Variants in SLC38A10 observed in about 807,000 individuals in gnomAD.
SLC38A10 encodes solute carrier family 38 member 10.
A neutral mutation model predicts 81.0 loss-of-function variants in SLC38A10; 53 were observed. That is an observed-to-expected ratio of 0.65 (90% CI 0.53 to 0.82). SLC38A10 has a LOEUF of 0.82. Ranked by LOEUF, SLC38A10 falls within the 40% of genes least tolerant of loss-of-function variation. The pLI, the probability that SLC38A10 is intolerant of heterozygous loss-of-function variation, is 0.00. For synonymous variants in SLC38A10, 665 were observed against 655.3 expected, an observed-to-expected ratio of 1.01 and a Z score of -0.23; for missense variants, 1,471 against 1,545.0, an observed-to-expected ratio of 0.95 and a Z score of 0.80.
At position 81,253,120 on chromosome 17, in the gene SLC38A10, T is replaced by C. The variant is rs1465115682; in HGVS notation, c.1409A>G (p.Asp470Gly). 1 of 1,613,880 alleles carries C rather than the reference T, an allele frequency of 6.2e-7. No homozygotes were observed. The highest frequency in any genetic ancestry group is 1.7e-5 in the Admixed American group (1 of 60,022). The change falls in exon 12 of 16, where the codon GAT becomes GGT. Residue 470 changes from aspartate to glycine, a missense_variant. By Grantham distance (94) the Asp-to-Gly change is moderately conservative. Transcript: ENST00000374759. This position sits in a 1 kb window ranked among gnomAD's most constrained non-coding sequence, Gnocchi z 4.1. ...TGCCTCCTCCGGTGCCTCCTTGCCATCTTCCCGTCCAGGCACATCCACGGG... is the reference window on the plus strand; with the variant it reads ...TGCCTCCTCCGGTGCCTCCTTGCCACCTTCCCGTCCAGGCACATCCACGGG... ...KGPVDVPGRE[D>G]GKEAPEEAQL... is the part of the protein sequence containing the mutation.
At chr17:81,268,335 A>G (rs1161345227) in intron 10 of SLC38A10, among the ~76,000 whole-genome samples, 1 of 138,348 alleles carries the variant, frequency 7.2e-6, no homozygotes, top group Admixed American at 7.0e-5. Flanking sequence ...CTAGAAAACA[A>G]GACCCCAGGA....
At chr17:81,294,157 A>T (rs966515178) in intron 1 of SLC38A10, among the ~76,000 whole-genome samples, 6 of 152,068 alleles carry the variant, frequency 3.9e-5, no homozygotes, top group Non-Finnish European at 7.4e-5. Context: ...CAGCCTCCCA[A>T]GTATCTGGGA....
Position 81,295,101 on chromosome 17 carries a change from C to T in SLC38A10, c.-180G>A. ...GCGCGGGCGCGGGCCCCAGAGGCTG[C>T]CTGGAGGAGGCAGCCTCGAAGGCCG... is the stretch of plus-strand genomic sequence containing the variant. On this transcript the variant is annotated 5_prime_UTR_variant, in exon 1 of 16. Coordinates refer to ENST00000374759, the MANE Select transcript of SLC38A10 (RefSeq NM_001037984.3). The T allele has an allele frequency of 8.6e-7, 1 of 1,165,274 alleles. No homozygotes were observed. The highest frequency in any genetic ancestry group is 1.1e-6 in the Non-Finnish European group (1 of 925,658). The allele number at this position is 1,165,274 out of a possible 1,614,324, so 72.2% of individuals were successfully genotyped here.
Position 81,277,764 on chromosome 17 carries a change from G to A in SLC38A10, c.627-631C>T, listed in dbSNP as rs1392507085. 6.6e-6 allele frequency among the ~76,000 whole-genome samples: 1 copy of A among 152,156 alleles called. No individual in the cohort carries two copies. The highest frequency in any genetic ancestry group is 2.4e-5 in the African/African-American group (1 of 41,416). ...CCCTGCACAGGCAGCAGACGCATCCGAGGGACCTGCACAGGGACCTGGGCC... is the reference window on the plus strand; with the variant it reads ...CCCTGCACAGGCAGCAGACGCATCCAAGGGACCTGCACAGGGACCTGGGCC... On this transcript the variant is annotated intron_variant, in intron 6 of 15. Transcript: ENST00000374759. The surrounding 1 kb of genome is among the most constrained non-coding windows in gnomAD (Gnocchi z 4.5).
rs759228908 is a variant in SLC38A10 at position 81,272,470 on chromosome 17, G to A, written c.1024+46C>T. 40 of 1,331,138 alleles carry A rather than the reference G, an allele frequency of 3.0e-5. No homozygotes were observed. The South Asian group carries it at 5.4e-4, about 18-fold the overall frequency. The allele number at this position is 1,331,138 out of a possible 1,614,324, so 82.5% of individuals were successfully genotyped here. On this transcript the variant is annotated intron_variant, in intron 9 of 15. Coordinates refer to ENST00000374759, the MANE Select transcript of SLC38A10 (RefSeq NM_001037984.3). Reference sequence around the variant, plus strand: ...TGTGCAGGTCTTGGTTGATGCCGAAGCCCCGGGTCCCACTCCCCGGCAACA... The same window carrying A: ...TGTGCAGGTCTTGGTTGATGCCGAAACCCCGGGTCCCACTCCCCGGCAACA...
rs1434461298 is a variant in SLC38A10, at chr17:81,253,718, T to A, written c.1289-478A>T. On this transcript the variant is annotated intron_variant, in intron 11 of 15. Transcript: ENST00000374759. The surrounding 1 kb of genome is among the most constrained non-coding windows in gnomAD (Gnocchi z 4.1). ...ACCATCATCACCATCACCATCACCA[T>A]CATCACCATCTCCATCCCTACCACC... Among the ~76,000 whole-genome samples the A allele has an allele frequency of 1.7e-5, 2 of 114,592 alleles. No individual in the cohort carries two copies. Among genetic ancestry groups the A allele is most frequent in the Non-Finnish European group, 3.5e-5 (2 of 57,224 alleles). The allele number at this position is 114,592 out of a possible 152,430, so 75.2% of individuals were successfully genotyped here. A position where few individuals can be genotyped will look rare whatever the true frequency, so the allele number is the denominator to read the frequency against.
In SLC38A10 at chr17:81,246,205, G is replaced by C. The variant is rs769938198; in HGVS notation, c.2711C>G (p.Thr904Ser). 2 of 1,612,598 alleles carry C rather than the reference G, an allele frequency of 1.2e-6. No individual in the cohort carries two copies. The highest frequency in any genetic ancestry group is 2.7e-5 in the African/African-American group (2 of 74,948). ...KPGKEVAATG[T>S]SILKEANWLV... ...CCAGTTGGCTTCCTTCAGAATGCTG[G>C]TGCCAGTGGCTGCCACCTCCTTCCC... Residue 904 changes from threonine to serine, a missense_variant, in exon 16 of 16, where the codon ACC (threonine) becomes AGC (serine). Physicochemically the swap from Thr to Ser is moderately conservative, Grantham distance 58. Transcript: ENST00000374759.
chr17:81,260,790 G>A (rs567896377), intron 10 of SLC38A10, among the ~76,000 whole-genome samples: 1 of 152,350 alleles, frequency 6.6e-6, no homozygotes, highest in South Asian at 2.1e-4. Context: ...AGAAGCTGAA[G>A]GTACGTGACG....
rs981405789 is a variant in SLC38A10, at chr17:81,275,879, C to A, written c.912+90G>T. On this transcript the variant is annotated intron_variant, in intron 8 of 15. Transcript: ENST00000374759. ...TCTGACGCAAATCCCCACTTTCCTG[C>A]TATATCTCTGGTTCGGGACAGCTGG... The A allele has an allele frequency of 2.1e-6, 3 of 1,429,918 alleles. No individual in the cohort carries two copies. The East Asian group carries it at 7.1e-5, about 34-fold the overall frequency. 88.6% of individuals were successfully genotyped at this position (1,429,918 alleles called of 1,614,324 possible). A position where few individuals can be genotyped will look rare whatever the true frequency, so the allele number is the denominator to read the frequency against.
chr17:81,249,198 G>A (rs990900354), intron 14 of SLC38A10, among the ~76,000 whole-genome samples: 2 of 143,236 alleles, frequency 1.4e-5, no homozygotes, highest in Non-Finnish European at 3.1e-5. Context: ...CAGAAGGGAG[G>A]AGGGGGAGGG....
At chr17:81,251,192 C>A in intron 14 of SLC38A10, 1 of 1,536,512 alleles carries the variant, frequency 6.5e-7, no homozygotes, top group Non-Finnish European at 8.8e-7. Context: ...AATCACAAGC[C>A]AAGTGACAAT....
chr17:81,248,231 A>G (rs1338171859), intron 14 of SLC38A10, among the ~76,000 whole-genome samples: 1 of 152,172 alleles, frequency 6.6e-6, no homozygotes, highest in East Asian at 1.9e-4. Flanking sequence ...TGCTGGGATT[A>G]CAGGCATGAG....
intron 13 of SLC38A10, chr17:81,251,968 A>G: frequency 1.5e-6 from 1 of 677,368 alleles, no homozygotes; most frequent in Non-Finnish European, 2.3e-6. Context: ...GGCACCTGAC[A>G]TTTAGTGGTC....
chr17:81,251,446 GC>G, intron 14 of SLC38A10, 46 bp downstream of exon 14: 1 of 1,607,796 alleles, frequency 6.2e-7, no homozygotes. Flanking sequence ...GGAGGGGGCT[GC>G]CGCTCCCTGG....
chr17:81,279,346 C>G (rs757250063), intron 6 of SLC38A10, among the ~76,000 whole-genome samples: 2 of 152,242 alleles, frequency 1.3e-5, no homozygotes, highest in Non-Finnish European at 2.9e-5. Context: ...GCCAATCACA[C>G]AGGCAGGGGG....
At chr17:81,267,227 G>A (rs1340826467) in intron 10 of SLC38A10, among the ~76,000 whole-genome samples, 2 of 152,132 alleles carry the variant, frequency 1.3e-5, no homozygotes, top group Admixed American at 1.3e-4. Flanking sequence ...CATGTCTGAC[G>A]ACTAGGGAAC....
At position 81,273,915 on chromosome 17, in the gene SLC38A10, T is replaced by G. The variant is rs1287293413; in HGVS notation, c.913-1288A>C. On this transcript the variant is annotated intron_variant, in intron 8 of 15. Transcript: ENST00000374759. ...CATGGGCCGAAGACAAGAAAGCAGG[T>G]GGCATGGCCGCAGCCGCACCTCCGG... 5.9e-5 allele frequency among the ~76,000 whole-genome samples: 9 copies of G among 152,060 alleles called. 1 individual carries two copies.
chr17:81,255,636 C>T (rs67247964), intron 11 of SLC38A10, among the ~76,000 whole-genome samples: 7,315 of 152,296 alleles, frequency 0.048, 314 homozygotes, highest in African/African-American at 0.11. Context: ...GCTCCACGCA[C>T]GCCCCCAGGA....
chr17:81,247,046 T>C lies in SLC38A10; in HGVS notation c.2081A>G (p.Glu694Gly). 6.3e-7 allele frequency: 1 copy of C among 1,587,304 alleles called. No homozygotes were observed. Among genetic ancestry groups the C allele is most frequent in the South Asian group, 1.1e-5 (1 of 90,110 alleles). The change falls in exon 15 of 16, where the codon GAG becomes GGG. Residue 694 changes from glutamate to glycine, a missense_variant. Glu to Gly is a moderately conservative substitution (Grantham distance 98). Coordinates refer to ENST00000374759, the MANE Select transcript of SLC38A10 (RefSeq NM_001037984.3). ...AAGCAGGACGGCGTGGTCCAGCATC[T>C]CCGCCCTGCCAGCTTCTGGGTTTGG... ...ASQLEEAGRAEMLDHAVLLQV... is the reference protein window; with the variant it reads ...ASQLEEAGRAGMLDHAVLLQV...
Sources: gnomAD v4.1 joint callset for allele counts (sites outside exome capture counted in the v4.1 genomes callset) on GRCh38, gnomAD v4.1.1 for gene constraint, Gnocchi (gnomAD v3.1) non-coding constraint, MANE v1.5 for transcripts, NCBI Gene and HGNC (gene_info 2026-07-23, HGNC 2026-07-21) for gene names.